CSMD1: variants seen among roughly 807,000 people sequenced by gnomAD.
CSMD1 encodes CUB and sushi domain-containing protein 1.
CSMD1 carries 213 observed loss-of-function variants against 417.5 expected under a neutral mutation model. The ratio of observed to expected loss-of-function variants is 0.51; its 90% CI spans 0.46 to 0.57. The LOEUF is 0.57. Among genes scored for constraint, CSMD1 ranks in the 20% least tolerant of loss-of-function variants. The probability of loss-of-function intolerance (pLI) is 0.00; values close to 1 mark genes in which losing one functional copy is unlikely to be tolerated. For synonymous variants in CSMD1, 2,862 were observed against 1,736.8 expected (o/e 1.65, Z -16.11); for missense variants, 6,923 against 4,529.7 (o/e 1.53, Z -15.17).
intron 3 of CSMD1, among the ~76,000 whole-genome samples, chr8:4,164,343 A>C (rs964755129): frequency 3.9e-5 from 6 of 152,214 alleles, no homozygotes; most frequent in Non-Finnish European, 8.8e-5. Context: ...AATAGTATTC[A>C]TAAAACAACA....
At chr8:4,435,200 T>C (rs1310339744) in intron 2 of CSMD1, among the ~76,000 whole-genome samples, 2 of 152,132 alleles carry the variant, frequency 1.3e-5, no homozygotes, top group African/African-American at 4.8e-5. Context: ...GATACACAAG[T>C]ACATCAGCCA....
chr8:3,798,554 G>C (rs1466408920), intron 5 of CSMD1, among the ~76,000 whole-genome samples: 1 of 152,012 alleles, frequency 6.6e-6, no homozygotes, highest in Non-Finnish European at 1.5e-5. Flanking sequence ...CACTTTTCCA[G>C]AGTTTTGAGA....
chr8:3,163,732 T>C (rs1466636400), intron 37 of CSMD1, among the ~76,000 whole-genome samples: 1 of 151,902 alleles, frequency 6.6e-6, no homozygotes, highest in Non-Finnish European at 1.5e-5. Context: ...GAAGCAGCTG[T>C]GGGTCGAAGC....
At chr8:3,334,905 A>G (rs903174939) in intron 23 of CSMD1, among the ~76,000 whole-genome samples, 3 of 152,220 alleles carry the variant, frequency 2.0e-5, no homozygotes, top group Non-Finnish European at 4.4e-5. Context: ...GGGTGATCCC[A>G]TTGCATCTGT....
intron 11 of CSMD1, among the ~76,000 whole-genome samples, chr8:3,490,348 TAAC>T (rs749244787): frequency 6.6e-6 from 1 of 152,230 alleles, no homozygotes; most frequent in Non-Finnish European, 1.5e-5. Flanking sequence ...ATTGCTTTCT[TAAC>T]AACAAATAGC....
At position 3,488,040 on chromosome 8, in the gene CSMD1, C is replaced by G. The variant is rs1818157820; in HGVS notation, c.1448+5583G>C. ...ATCAAAATATACTTAGAAGAGGTGA[C>G]TTTTTTTTTCTAAACTCAAACCAAA... On this transcript the variant is annotated intron_variant, in intron 11 of 69. Coordinates refer to ENST00000635120, the MANE Select transcript of CSMD1 (RefSeq NM_033225.6). Among the ~76,000 whole-genome samples, 3 of 150,752 alleles carry G rather than the reference C, an allele frequency of 2.0e-5. No homozygotes were observed. The East Asian group carries it at 5.8e-4, about 29-fold the overall frequency.
At chr8:3,691,665 G>A (rs1477472259) in intron 7 of CSMD1, among the ~76,000 whole-genome samples, 2 of 152,086 alleles carry the variant, frequency 1.3e-5, no homozygotes, top group African/African-American at 2.4e-5. Flanking sequence ...GGCAGGCACT[G>A]GGCTAAGTAT....
At chr8:3,894,132 T>G (rs1247732888) in intron 5 of CSMD1, among the ~76,000 whole-genome samples, 2 of 152,226 alleles carry the variant, frequency 1.3e-5, no homozygotes, top group Non-Finnish European at 2.9e-5. Context: ...TTAAAAATAT[T>G]CTTTTTCCTT....
intron 2 of CSMD1, among the ~76,000 whole-genome samples, chr8:4,596,813 C>A (rs1028961386): frequency 1.3e-5 from 2 of 152,188 alleles, no homozygotes; most frequent in Admixed American, 6.5e-5. Context: ...AGAATACCCA[C>A]ATATTGTGGG....
At chr8:3,607,324 T>C (rs1317156275) in intron 8 of CSMD1, among the ~76,000 whole-genome samples, 1 of 152,194 alleles carries the variant, frequency 6.6e-6, no homozygotes, top group African/African-American at 2.4e-5. Context: ...CAATTCCTTC[T>C]TCTGGATACC....
At chr8:3,887,040 C>G (rs1412166869) in intron 5 of CSMD1, among the ~76,000 whole-genome samples, 3 of 152,156 alleles carry the variant, frequency 2.0e-5, no homozygotes, top group Non-Finnish European at 2.9e-5. Context: ...CAAACTCTGC[C>G]TCACACATTT....
At chr8:4,540,733 T>C (rs775214771) in intron 2 of CSMD1, among the ~76,000 whole-genome samples, 22 of 152,166 alleles carry the variant, frequency 1.4e-4, no homozygotes, top group Non-Finnish European at 2.6e-4. Flanking sequence ...GTCTAAGCTG[T>C]GCCAGGTACT....
chr8:4,392,647 GTTATTA>G (rs200466780), intron 3 of CSMD1, among the ~76,000 whole-genome samples: 110 of 147,270 alleles, frequency 7.5e-4, no homozygotes, highest in African/African-American at 2.6e-3. Flanking sequence ...GGGGGGGAGG[GTTATTA>G]TTATTATTAT....
At chr8:4,776,702 C>T (rs892979096) in intron 1 of CSMD1, among the ~76,000 whole-genome samples, 3 of 152,172 alleles carry the variant, frequency 2.0e-5, no homozygotes, top group African/African-American at 4.8e-5. Context: ...AGAACACTGG[C>T]TTGATTCCAA....
At chr8:3,302,112 G>C (rs117895785) in intron 25 of CSMD1, among the ~76,000 whole-genome samples, 2 of 152,224 alleles carry the variant, frequency 1.3e-5, no homozygotes, top group East Asian at 3.9e-4. Flanking sequence ...GCCCCTTGGA[G>C]GGAGACAGTA....
intron 7 of CSMD1, among the ~76,000 whole-genome samples, chr8:3,669,821 G>A (rs556404358): frequency 1.3e-5 from 2 of 152,262 alleles, no homozygotes; most frequent in South Asian, 2.1e-4. Flanking sequence ...CCAATTCAGA[G>A]AACAGGACAC....
chr8:3,863,264 G>T (rs538352607), intron 5 of CSMD1, among the ~76,000 whole-genome samples: 1 of 152,134 alleles, frequency 6.6e-6, no homozygotes. Flanking sequence ...AGGTCTGGTG[G>T]CAGGCACCTG....
rs527661557 is a variant in CSMD1 at position 3,175,295 on chromosome 8, C to G, written c.5725+5815G>C. 1.9e-3 allele frequency among the ~76,000 whole-genome samples: 283 copies of G among 152,234 alleles called. 1 individual carries two copies. The highest frequency in any genetic ancestry group is 6.5e-3 in the African/African-American group (272 of 41,534). ...AAAGAGTTGTTATATTTGTTTTCTT[C>G]CAATTACCTCTTTTTTCCTCATAAC... On this transcript the variant is annotated intron_variant, in intron 37 of 69. Transcript: ENST00000635120.
chr8:3,871,167 G>T (rs1473639242), intron 5 of CSMD1, among the ~76,000 whole-genome samples: 1 of 151,654 alleles, frequency 6.6e-6, no homozygotes. Flanking sequence ...ACTTTTATTT[G>T]CCTTCTAATG....
Sources: gnomAD v4.1 joint callset for allele counts (sites outside exome capture counted in the v4.1 genomes callset) on GRCh38, gnomAD v4.1.1 for gene constraint, MANE v1.5 for transcripts, NCBI Gene and HGNC (gene_info 2026-07-23, HGNC 2026-07-21) for gene names.